Variants in INPP5A observed in about 807,000 individuals in gnomAD.
The protein encoded by INPP5A is inositol polyphosphate-5-phosphatase A.
INPP5A carries 14 observed loss-of-function variants against 65.2 expected under a neutral mutation model. That is an observed-to-expected ratio of 0.21 (90% confidence interval 0.14 to 0.34). The LOEUF is 0.34. Ranked by LOEUF, INPP5A falls within the 10% of genes least tolerant of loss-of-function variation. INPP5A has a pLI of 1.00. For synonymous variants in INPP5A, 207 were observed against 208.3 expected (o/e 0.99, Z 0.05); for missense variants, 431 against 545.6 (o/e 0.79, Z 2.09).
intron 11 of INPP5A, among the ~76,000 whole-genome samples, chr10:132,751,339 C>T (rs1846472895): frequency 6.6e-6 from 1 of 152,238 alleles, no homozygotes; most frequent in African/African-American, 2.4e-5. Context: ...GCCCCATCAG[C>T]CTGGGCAAGC....
intron 9 of INPP5A, among the ~76,000 whole-genome samples, chr10:132,734,934 C>T (rs1319920718): frequency 1.3e-5 from 2 of 152,206 alleles, no homozygotes; most frequent in African/African-American, 2.4e-5. Flanking sequence ...CTCTGCCCTT[C>T]CTCTTGGCAG....
chr10:132,613,532 A>G (rs542503090), intron 2 of INPP5A, among the ~76,000 whole-genome samples: 119 of 152,388 alleles, frequency 7.8e-4, no homozygotes, highest in African/African-American at 2.7e-3. Context: ...TTGCAAAACC[A>G]AATTTTCTTG....
At chr10:132,735,781 C>T (rs1346458882) in intron 9 of INPP5A, among the ~76,000 whole-genome samples, 1 of 152,196 alleles carries the variant, frequency 6.6e-6, no homozygotes, top group Non-Finnish European at 1.5e-5. Flanking sequence ...AGATTAAATA[C>T]AGGGTTGTTT....
At chr10:132,589,142 G>A (rs545197108) in intron 1 of INPP5A, among the ~76,000 whole-genome samples, 2 of 152,212 alleles carry the variant, frequency 1.3e-5, no homozygotes, top group Non-Finnish European at 2.9e-5. Context: ...TTGTGGATTG[G>A]AATCCACATC....
rs1024798217 is a variant in INPP5A, at chr10:132,547,297, G to C, written c.75+9126G>C. 1.3e-5 allele frequency among the ~76,000 whole-genome samples: 2 copies of C among 152,226 alleles called. No individual in the cohort carries two copies. Among genetic ancestry groups the C allele is most frequent in the African/African-American group, 4.8e-5 (2 of 41,466 alleles). ...TTTCTGGACTGTCAGCCTTTGGGCT[G>C]AGTGAGGCGTTACTGCCATCAGGGG... is the stretch of plus-strand genomic sequence containing the variant. On this transcript the variant is annotated intron_variant, in intron 1 of 15. Coordinates refer to ENST00000368594, the MANE Select transcript of INPP5A (RefSeq NM_005539.5). The surrounding 1 kb of genome is among the most constrained non-coding windows in gnomAD (Gnocchi z 5.5).
chr10:132,709,478 AC>A, intron 7 of INPP5A, among the ~76,000 whole-genome samples: 1 of 152,004 alleles, frequency 6.6e-6, no homozygotes, highest in South Asian at 2.1e-4. Context: ...TCCCGTGCCC[AC>A]CCCAGGCAGT....
At chr10:132,712,419 A>G (rs1456195014) in intron 8 of INPP5A, among the ~76,000 whole-genome samples, 2 of 144,262 alleles carry the variant, frequency 1.4e-5, no homozygotes, top group Non-Finnish European at 3.1e-5. Flanking sequence ...GAGTGCATAC[A>G]TATGTGTGTG....
In INPP5A at chr10:132,698,432, G is replaced by T. The variant is rs1013257624; in HGVS notation, c.474+513G>T. Among the ~76,000 whole-genome samples, 1 of 152,252 alleles carries T rather than the reference G, an allele frequency of 6.6e-6. No homozygotes were observed. The highest frequency in any genetic ancestry group is 2.4e-5 in the African/African-American group (1 of 41,468). ...CACGGAGAGATTAGAATCAAAATGT[G>T]TGGAAGGCATTTGTCGTCTCACTGC... is the stretch of plus-strand genomic sequence containing the variant. On this transcript the variant is annotated intron_variant, in intron 6 of 15. Transcript: ENST00000368594. The surrounding 1 kb of genome is among the most constrained non-coding windows in gnomAD (Gnocchi z 5.5).
chr10:132,642,148 TG>T (rs1226006108), intron 2 of INPP5A, among the ~76,000 whole-genome samples: 1 of 151,702 alleles, frequency 6.6e-6, no homozygotes, highest in African/African-American at 2.4e-5. Context: ...GTCTGCGGTC[TG>T]GGGACAGCCT....
intron 2 of INPP5A, among the ~76,000 whole-genome samples, chr10:132,641,545 A>G (rs1564945259): frequency 6.6e-6 from 1 of 152,054 alleles, no homozygotes; most frequent in Non-Finnish European, 1.5e-5. Flanking sequence ...CCAGAGGGCG[A>G]TTTTCTGAGC....
intron 4 of INPP5A, among the ~76,000 whole-genome samples, chr10:132,680,912 GC>G (rs1384024160): frequency 6.6e-6 from 1 of 152,250 alleles, no homozygotes; most frequent in Non-Finnish European, 1.5e-5. Flanking sequence ...GGGACCTGCA[GC>G]CCGCCATGCC....
At chr10:132,781,066 T>G (rs1335469184) in intron 14 of INPP5A, 149 bp downstream of exon 14, 2 of 653,504 alleles carry the variant, frequency 3.1e-6, no homozygotes, top group Non-Finnish European at 2.8e-6. Flanking sequence ...TTCTCCTGTC[T>G]TCTTAGTCTG....
chr10:132,675,819 T>C lies in INPP5A; in HGVS notation c.307-14573T>C, dbSNP rs1324007777. 1.3e-5 allele frequency among the ~76,000 whole-genome samples: 2 copies of C among 152,228 alleles called. No individual in the cohort carries two copies. Among genetic ancestry groups the C allele is most frequent in the South Asian group, 2.1e-4 (1 of 4,824 alleles). On this transcript the variant is annotated intron_variant, in intron 4 of 15. Transcript: ENST00000368594. This position sits in a 1 kb window ranked among gnomAD's most constrained non-coding sequence, Gnocchi z 4.2. ...GTAGAGTTTTATATGCCCTGAGCTT[T>C]TGTACTGGCAGAAGGTATTTTGTAA...
chr10:132,594,942 C>G (rs1031586590), intron 1 of INPP5A, among the ~76,000 whole-genome samples: 3 of 152,166 alleles, frequency 2.0e-5, no homozygotes, highest in Non-Finnish European at 2.9e-5. Flanking sequence ...TCGTTGTTTT[C>G]TTCTTCCTAA....
chr10:132,604,911 G>A (rs182631143), intron 1 of INPP5A, among the ~76,000 whole-genome samples: 118 of 152,320 alleles, frequency 7.7e-4, no homozygotes, highest in African/African-American at 2.6e-3. Flanking sequence ...TCAGAGCAAA[G>A]CAGGTGGAGC....
At chr10:132,609,609 C>T (rs2071912941) in intron 2 of INPP5A, among the ~76,000 whole-genome samples, 1 of 152,192 alleles carries the variant, frequency 6.6e-6, no homozygotes. Context: ...TGGTGTTTTT[C>T]CTTTTTGAAA....
Position 132,538,290 on chromosome 10 carries a change from C to G in INPP5A, c.75+119C>G. On this transcript the variant is annotated intron_variant, in intron 1 of 15. Coordinates refer to ENST00000368594, the MANE Select transcript of INPP5A (RefSeq NM_005539.5). This position sits in a 1 kb window ranked among gnomAD's most constrained non-coding sequence, Gnocchi z 4.1. ...AACCTCCAGACCCAGAGGCCCCAGA[C>G]TCTGATCCCTGTACCCGGGACCCCA... 2.6e-6 allele frequency: 1 copy of G among 385,010 alleles called. No individual in the cohort carries two copies. The highest frequency in any genetic ancestry group is 4.0e-6 in the Non-Finnish European group (1 of 250,020). 23.8% of individuals were successfully genotyped at this position (385,010 alleles called of 1,614,324 possible). A position where few individuals can be genotyped will look rare whatever the true frequency, so the allele number is the denominator to read the frequency against.
At chr10:132,690,785 C>T (rs908504130) in intron 5 of INPP5A, among the ~76,000 whole-genome samples, 4 of 152,158 alleles carry the variant, frequency 2.6e-5, no homozygotes, top group African/African-American at 4.8e-5. Flanking sequence ...GAAATAAGAA[C>T]AGGCAGGGAC....
At chr10:132,595,051 A>G (rs1027132938) in intron 1 of INPP5A, among the ~76,000 whole-genome samples, 1 of 152,268 alleles carries the variant, frequency 6.6e-6, no homozygotes, top group African/African-American at 2.4e-5. Context: ...TCTGCCTCAA[A>G]TACCCACTCC....
Sources: allele counts gnomAD v4.1 joint callset (sites outside exome capture counted in the v4.1 genomes callset), GRCh38; gene constraint gnomAD v4.1.1; non-coding constraint Gnocchi (gnomAD v3.1); transcripts MANE v1.5; gene names NCBI Gene and HGNC (gene_info 2026-07-23, HGNC 2026-07-21).